GRIK1: variants seen among roughly 807,000 people sequenced by gnomAD.
GRIK1 encodes the protein glutamate ionotropic receptor kainate type subunit 1.
A neutral mutation model predicts 105.7 loss-of-function variants in GRIK1; 69 were observed. The ratio of observed to expected loss-of-function variants is 0.65; its 90% CI spans 0.54 to 0.80. The LOEUF is 0.80. GRIK1 is among the 30% of genes least tolerant of loss of function. GRIK1 has a pLI of 0.00. For missense variants in GRIK1, 1,109 were observed against 1,167.3 expected, an observed-to-expected ratio of 0.95 and a Z score of 0.73; for synonymous variants, 438 against 431.3, an observed-to-expected ratio of 1.02 and a Z score of -0.19.
At chr21:29,854,957 T>C (rs2068420432) in intron 1 of GRIK1, among the ~76,000 whole-genome samples, 1 of 152,242 alleles carries the variant, frequency 6.6e-6, no homozygotes, top group African/African-American at 2.4e-5. Context: ...AAAGGCCTCT[T>C]AAAAATGGAC....
At chr21:29,817,183 G>A (rs1385726482) in intron 1 of GRIK1, among the ~76,000 whole-genome samples, 1 of 151,966 alleles carries the variant, frequency 6.6e-6, no homozygotes, top group African/African-American at 2.4e-5. Context: ...AACTCTATCT[G>A]GTCAGATTTG....
intron 7 of GRIK1, among the ~76,000 whole-genome samples, chr21:29,639,030 A>C (rs2062454768): frequency 1.3e-5 from 2 of 152,192 alleles, no homozygotes. Context: ...ACCAGAGTTA[A>C]ATAGGTTGGT....
chr21:29,728,515 G>A (rs2284458), intron 1 of GRIK1, among the ~76,000 whole-genome samples: 3,957 of 152,314 alleles, frequency 0.026, 134 homozygotes, highest in East Asian at 0.1. Context: ...CTATAAGAAT[G>A]AGGATGTGAG....
intron 7 of GRIK1, among the ~76,000 whole-genome samples, chr21:29,640,455 A>G (rs2062488933): frequency 6.6e-6 from 1 of 152,172 alleles, no homozygotes; most frequent in African/African-American, 2.4e-5. Context: ...GATGAGCACA[A>G]TGTTGACAAT....
intron 7 of GRIK1, among the ~76,000 whole-genome samples, chr21:29,617,677 C>A (rs1334698951): frequency 2.0e-5 from 3 of 152,110 alleles, no homozygotes; most frequent in African/African-American, 7.2e-5. Flanking sequence ...GAATAGAGAC[C>A]ATTTTATATC....
intron 3 of GRIK1, among the ~76,000 whole-genome samples, chr21:29,688,809 C>G (rs2063532114): frequency 6.6e-6 from 1 of 151,922 alleles, no homozygotes. Flanking sequence ...AGTTCACCAC[C>G]GTGAAGGTCG....
chr21:29,739,143 G>A (rs2064866278), intron 1 of GRIK1, among the ~76,000 whole-genome samples: 1 of 152,202 alleles, frequency 6.6e-6, no homozygotes, highest in Non-Finnish European at 1.5e-5. Flanking sequence ...ATGACAGGCA[G>A]TGAAAAGTGC....
intron 7 of GRIK1, among the ~76,000 whole-genome samples, chr21:29,610,721 C>T (rs1032088627): frequency 1.6e-4 from 24 of 151,810 alleles, no homozygotes; most frequent in African/African-American, 4.1e-4. Context: ...TTGCTTTGAA[C>T]GACAATGCTT....
intron 1 of GRIK1, among the ~76,000 whole-genome samples, chr21:29,756,207 C>T (rs1280012020): frequency 1.3e-5 from 2 of 152,128 alleles, no homozygotes; most frequent in East Asian, 3.9e-4. Context: ...CGGTGAAACC[C>T]CGTCTCTACT....
intron 1 of GRIK1, among the ~76,000 whole-genome samples, chr21:29,695,464 C>T (rs779197470): frequency 6.9e-6 from 1 of 145,086 alleles, no homozygotes; most frequent in South Asian, 2.2e-4. Flanking sequence ...ATCTATCTAT[C>T]TATCTATCTA....
Position 29,738,066 on chromosome 21 carries a change from CA to C in GRIK1, c.119-44004del, listed in dbSNP as rs111431165. Among the ~76,000 whole-genome samples the C allele has an allele frequency of 2.0e-5, 3 of 152,336 alleles. 1 individual carries two copies. The highest frequency in any genetic ancestry group is 7.2e-5 in the African/African-American group (3 of 41,576). On this transcript the variant is annotated intron_variant, in intron 1 of 17. Coordinates refer to ENST00000327783, the MANE Select transcript of GRIK1 (RefSeq NM_001330994.2). ...AAATGGCTGAGAGCAACCATAGAGA[CA>C]GCTCAAGAAGCTAGTCTACAAAGGC...
intron 6 of GRIK1, among the ~76,000 whole-genome samples, chr21:29,647,807 A>G (rs542828015): frequency 6.6e-6 from 1 of 152,326 alleles, no homozygotes; most frequent in African/African-American, 2.4e-5. Flanking sequence ...AATTCTGTCA[A>G]TTACCACTTC....
At position 29,939,527 on chromosome 21, in the gene GRIK1, G is replaced by A. The variant is rs1279230483; in HGVS notation, c.-27C>T. ...TTCCTAGCTTCTTAATTCATGCCGA[G>A]ATACAGCCGCTGCCGGACGCCCGAG... On this transcript the variant is annotated 5_prime_UTR_variant, in exon 1 of 18. Transcript: ENST00000327783. 7.0e-7 allele frequency: 1 copy of A among 1,435,596 alleles called. No individual in the cohort carries two copies. The highest frequency in any genetic ancestry group is 2.0e-5 in the Admixed American group (1 of 49,262). 88.9% of individuals were successfully genotyped at this position (1,435,596 alleles called of 1,614,324 possible). A position where few individuals can be genotyped will look rare whatever the true frequency, so the allele number is the denominator to read the frequency against.
At chr21:29,750,852 A>G (rs1318630927) in intron 1 of GRIK1, among the ~76,000 whole-genome samples, 2 of 152,240 alleles carry the variant, frequency 1.3e-5, no homozygotes, top group African/African-American at 2.4e-5. Flanking sequence ...GTCCGTGTGA[A>G]GAGACCACCA....
Position 29,654,874 on chromosome 21 carries a change from GA to G in GRIK1, c.727-12del, listed in dbSNP as rs1601382744. ...GCCCATGAACAGAATCTGCAAAAGA[GA>G]AATAAGGGGAAAGAATCAGGAACAG... On this transcript the variant is annotated splice_polypyrimidine_tract_variant and intron_variant, in intron 4 of 17. Coordinates refer to ENST00000327783, the MANE Select transcript of GRIK1 (RefSeq NM_001330994.2). 2.0e-6 allele frequency: 3 copies of G among 1,498,666 alleles called. No homozygotes were observed. Among genetic ancestry groups the G allele is most frequent in the Non-Finnish European group, 2.8e-6 (3 of 1,074,944 alleles). The allele number at this position is 1,498,666 out of a possible 1,614,324, so 92.8% of individuals were successfully genotyped here.
rs3054331 is a variant in GRIK1 at position 29,656,354 on chromosome 21, C to CAAAAAAAAAAAAAAAAAAA, written c.727-1510_727-1492dup. Among the ~76,000 whole-genome samples the CAAAAAAAAAAAAAAAAAAA allele has an allele frequency of 5.1e-4, 26 of 51,164 alleles. 3 individuals are homozygous for CAAAAAAAAAAAAAAAAAAA. The highest frequency in any genetic ancestry group is 6.0e-4 in the Non-Finnish European group (13 of 21,624). 33.6% of individuals were successfully genotyped at this position (51,164 alleles called of 152,430 possible). ...CCAGCCTGGGGGCCAGAGCGAGACT[C>CAAAAAAAAAAAAAAAAAAA]AAAAAAAAAAAAAAAAAAAAAAAAA... On this transcript the variant is annotated intron_variant, in intron 4 of 17. Transcript: ENST00000327783.
intron 11 of GRIK1, 135 bp from the exon 12 acceptor site, chr21:29,587,724 T>C (rs363476): frequency 2.5e-5 from 14 of 559,434 alleles, no homozygotes; most frequent in Admixed American, 6.8e-5. Context: ...TGGTTGGTTC[T>C]AATAAAAAAA....
chr21:29,812,452 T>A lies in GRIK1; in HGVS notation c.119-118389A>T, dbSNP rs538261989. On this transcript the variant is annotated intron_variant, in intron 1 of 17. Coordinates refer to ENST00000327783, the MANE Select transcript of GRIK1 (RefSeq NM_001330994.2). ...AATCCTTTGCCATTTGTTCTTTTTT[T>A]AAAAACCTTGACCTCAAACTGTATT... Among the ~76,000 whole-genome samples the A allele has an allele frequency of 6.6e-5, 10 of 152,262 alleles. No individual in the cohort carries two copies. The East Asian group carries it at 1.5e-3, about 24-fold the overall frequency.
At chr21:29,661,876 C>T (rs538265884) in intron 4 of GRIK1, among the ~76,000 whole-genome samples, 15 of 152,300 alleles carry the variant, frequency 9.8e-5, no homozygotes, top group African/African-American at 3.6e-4. Flanking sequence ...CCTCCATTCA[C>T]TTACACGTGT....
Sources: gnomAD v4.1 joint callset for allele counts (sites outside exome capture counted in the v4.1 genomes callset) on GRCh38, gnomAD v4.1.1 for gene constraint, MANE v1.5 for transcripts, NCBI Gene and HGNC (gene_info 2026-07-23, HGNC 2026-07-21) for gene names.